Variants in ITPR1 observed in about 807,000 individuals in gnomAD.
ITPR1 encodes the protein inositol 1,4,5-trisphosphate-gated calcium channel ITPR1.
Under a neutral mutation model 318.4 loss-of-function variants are expected in ITPR1, and 96 were observed. That is an observed-to-expected ratio of 0.30 (90% CI 0.26 to 0.36). ITPR1 has a LOEUF of 0.36. Among genes scored for constraint, ITPR1 ranks in the 10% least tolerant of loss-of-function variants. ITPR1 has a pLI of 1.00. For missense variants in ITPR1, 2,440 were observed against 3,460.2 expected (o/e 0.71, Z 7.40); for synonymous variants, 1,312 against 1,289.9 (o/e 1.02, Z -0.37).
At chr3:4,579,688 A>G (rs1044170025) in intron 4 of ITPR1, among the ~76,000 whole-genome samples, 1 of 152,196 alleles carries the variant, frequency 6.6e-6, no homozygotes, top group Non-Finnish European at 1.5e-5. Flanking sequence ...ATATTGAGTC[A>G]GGGTTTTTGT....
At chr3:4,745,565 G>A (rs1012710532) in intron 44 of ITPR1, among the ~76,000 whole-genome samples, 5 of 152,094 alleles carry the variant, frequency 3.3e-5, no homozygotes, top group African/African-American at 9.7e-5. Flanking sequence ...GGGCATATAC[G>A]GTTGACCTTA....
intron 4 of ITPR1, among the ~76,000 whole-genome samples, chr3:4,567,811 C>G (rs1224905913): frequency 6.6e-6 from 1 of 152,082 alleles, no homozygotes; most frequent in East Asian, 1.9e-4. Context: ...ACCATGTTGT[C>G]CAGGCTAGTC....
At position 4,610,252 on chromosome 3, in the gene ITPR1, C is replaced by T. The variant is rs1431639408; in HGVS notation, c.164-17511C>T. 2.6e-5 allele frequency among the ~76,000 whole-genome samples: 4 copies of T among 152,108 alleles called. No individual in the cohort carries two copies. The South Asian group carries it at 6.2e-4, about 24-fold the overall frequency. Reference sequence around the variant, plus strand: ...TGGGCTGGGTTAGTGCTCCTCTGTGCGCCAGACACCTTGGAGTTTCCTGTT... The same window carrying T: ...TGGGCTGGGTTAGTGCTCCTCTGTGTGCCAGACACCTTGGAGTTTCCTGTT... On this transcript the variant is annotated intron_variant, in intron 4 of 61. Transcript: ENST00000649015.
intron 2 of ITPR1, among the ~76,000 whole-genome samples, chr3:4,505,642 T>C (rs149285359): frequency 0.01 from 1,582 of 152,334 alleles, 23 homozygotes; most frequent in African/African-American, 0.036. Flanking sequence ...GGACTTGTTG[T>C]TGGCTCCATT....
At chr3:4,545,927 G>C (rs1362230942) in intron 4 of ITPR1, among the ~76,000 whole-genome samples, 1 of 152,018 alleles carries the variant, frequency 6.6e-6, no homozygotes, top group African/African-American at 2.4e-5. Flanking sequence ...GAACTCCTGA[G>C]CTCAAGCGAT....
intron 5 of ITPR1, among the ~76,000 whole-genome samples, chr3:4,629,345 G>A (rs13080068): frequency 0.09 from 13,745 of 152,090 alleles, 876 homozygotes; most frequent in African/African-American, 0.17. Flanking sequence ...TGTCTCAGCC[G>A]AAGTGTCATC....
intron 38 of ITPR1, among the ~76,000 whole-genome samples, chr3:4,711,146 G>A (rs1202664928): frequency 6.7e-6 from 1 of 149,998 alleles, no homozygotes; most frequent in African/African-American, 2.5e-5. Flanking sequence ...AGGAAGCAGA[G>A]GCTACAGTGA....
chr3:4,780,182 A>T (rs879671527), intron 49 of ITPR1, among the ~76,000 whole-genome samples: 1 of 152,142 alleles, frequency 6.6e-6, no homozygotes, highest in African/African-American at 2.4e-5. Context: ...GAGAAGATTC[A>T]TGTCAAGCCC....
chr3:4,733,689 A>C (rs1038723955), intron 43 of ITPR1, among the ~76,000 whole-genome samples: 2 of 152,184 alleles, frequency 1.3e-5, no homozygotes, highest in Non-Finnish European at 2.9e-5. Flanking sequence ...TGATAGGTAC[A>C]GTCTATCCCA....
intron 48 of ITPR1, 149 bp downstream of exon 48, chr3:4,777,523 C>T (rs1007612346): frequency 1.7e-6 from 1 of 600,300 alleles, no homozygotes; most frequent in Non-Finnish European, 3.0e-6. Context: ...GTGCTGACTA[C>T]GATGCAGAAC....
At chr3:4,662,879 C>T (rs915909122) in intron 15 of ITPR1, among the ~76,000 whole-genome samples, 186 bp from the exon 16 acceptor site, 1 of 152,100 alleles carries the variant, frequency 6.6e-6, no homozygotes, top group Non-Finnish European at 1.5e-5. Flanking sequence ...CTTTTGTGGA[C>T]AATGATATGT....
intron 4 of ITPR1, among the ~76,000 whole-genome samples, chr3:4,624,670 C>CAAAAAA (rs1161664837): frequency 1.4e-5 from 1 of 72,500 alleles, no homozygotes; most frequent in Non-Finnish European, 3.0e-5. Context: ...GCTCTGTCTC[C>CAAAAAA]AAAAAAAAAA....
chr3:4,730,106 A>G (rs2042797448), intron 42 of ITPR1, among the ~76,000 whole-genome samples: 1 of 151,512 alleles, frequency 6.6e-6, no homozygotes, highest in South Asian at 2.1e-4. Flanking sequence ...AAGTTTTCAC[A>G]TTAGAGATTT....
At chr3:4,568,952 G>C (rs930213042) in intron 4 of ITPR1, among the ~76,000 whole-genome samples, 3 of 152,154 alleles carry the variant, frequency 2.0e-5, no homozygotes, top group Non-Finnish European at 2.9e-5. Context: ...ATGGTGGAAG[G>C]TATGTCACAT....
intron 4 of ITPR1, among the ~76,000 whole-genome samples, chr3:4,526,583 C>A (rs915021383): frequency 6.6e-6 from 1 of 152,226 alleles, no homozygotes; most frequent in Non-Finnish European, 1.5e-5. Context: ...TTATAAGTTA[C>A]AATAGCCAAT....
chr3:4,611,149 C>G (rs1405007448), intron 4 of ITPR1, among the ~76,000 whole-genome samples: 1 of 140,960 alleles, frequency 7.1e-6, no homozygotes, highest in Non-Finnish European at 1.5e-5. Flanking sequence ...TATCTCAGCA[C>G]TTTGGGAGGC....
chr3:4,549,231 A>C (rs961259668), intron 4 of ITPR1, among the ~76,000 whole-genome samples: 4 of 152,348 alleles, frequency 2.6e-5, no homozygotes, highest in African/African-American at 9.6e-5. Context: ...AGACAAATGC[A>C]CTGACAGGGG....
chr3:4,667,980 A>G (rs1042028548), intron 18 of ITPR1, among the ~76,000 whole-genome samples: 3 of 152,086 alleles, frequency 2.0e-5, no homozygotes. Context: ...GGTACATGAG[A>G]TGTTTTGATG....
chr3:4,609,170 T>G (rs2125096183), intron 4 of ITPR1, among the ~76,000 whole-genome samples: 1 of 146,606 alleles, frequency 6.8e-6, no homozygotes, highest in East Asian at 2.1e-4. Flanking sequence ...GGGTCATTCT[T>G]GAGGTGCCAT....
Sources: gnomAD v4.1 joint callset for allele counts (sites outside exome capture counted in the v4.1 genomes callset) on GRCh38, gnomAD v4.1.1 for gene constraint, MANE v1.5 for transcripts, NCBI Gene and HGNC (gene_info 2026-07-23, HGNC 2026-07-21) for gene names.